Variants in CLINT1 observed in about 807,000 individuals in gnomAD.
The protein encoded by CLINT1 is clathrin interactor 1, also known as clathrin interacting protein localized in the trans-Golgi region.
Under a neutral mutation model 70.4 loss-of-function variants are expected in CLINT1, and 15 were observed. The observed-to-expected ratio is 0.21, with a 90% CI of 0.14 to 0.33. The LOEUF is 0.33. CLINT1 is among the 10% of genes least tolerant of loss of function. CLINT1 has a pLI of 1.00. For missense variants in CLINT1, 615 were observed against 778.1 expected (o/e 0.79, Z 2.49); for synonymous variants, 227 against 254.7 (o/e 0.89, Z 1.04).
intron 1 of CLINT1, among the ~76,000 whole-genome samples, chr5:157,830,759 T>C (rs4704754): frequency 0.011 from 529 of 47,440 alleles, 2 homozygotes; most frequent in African/African-American, 0.041. Flanking sequence ...TCTCTCTCCC[T>C]CTCTCTCTCT....
chr5:157,806,573 C>CTAAT (rs1282727866), intron 6 of CLINT1, among the ~76,000 whole-genome samples: 1 of 152,028 alleles, frequency 6.6e-6, no homozygotes, highest in African/African-American at 2.4e-5. Context: ...CTCTCAAAGA[C>CTAAT]TAATGTGTGT....
intron 6 of CLINT1, among the ~76,000 whole-genome samples, chr5:157,807,994 G>A (rs1762436715): frequency 6.6e-6 from 1 of 152,076 alleles, no homozygotes; most frequent in Non-Finnish European, 1.5e-5. Flanking sequence ...ACTGGAATGT[G>A]ATCTTTGAAG....
intron 1 of CLINT1, among the ~76,000 whole-genome samples, chr5:157,850,166 A>G (rs1353591763): frequency 4.6e-5 from 7 of 152,140 alleles, no homozygotes; most frequent in Non-Finnish European, 4.4e-5. Context: ...GCCACTGGAG[A>G]ATTCTGAACC....
chr5:157,859,068 C>T lies in CLINT1; in HGVS notation c.-98G>A. On this transcript the variant is annotated 5_prime_UTR_variant, in exon 1 of 12. Coordinates refer to ENST00000411809, the MANE Select transcript of CLINT1 (RefSeq NM_014666.4). ...GGCAGTTCCAGGCCGGGGTCACCGC[C>T]GCCCGCCGCCTCGAACTCCCCCAGT... 1 of 1,392,372 alleles carries T rather than the reference C, an allele frequency of 7.2e-7. No homozygotes were observed. Among genetic ancestry groups the T allele is most frequent in the Non-Finnish European group, 9.9e-7 (1 of 1,012,702 alleles). 86.3% of individuals were successfully genotyped at this position (1,392,372 alleles called of 1,614,324 possible). A position where few individuals can be genotyped will look rare whatever the true frequency, so the allele number is the denominator to read the frequency against.
intron 1 of CLINT1, among the ~76,000 whole-genome samples, chr5:157,838,124 T>G (rs1763495997): frequency 8.9e-6 from 1 of 112,134 alleles, no homozygotes; most frequent in Non-Finnish European, 1.8e-5. Flanking sequence ...GTTTTTTTGT[T>G]TTTTTTTTTT....
At chr5:157,833,587 G>A (rs1421916125) in intron 1 of CLINT1, among the ~76,000 whole-genome samples, 1 of 151,974 alleles carries the variant, frequency 6.6e-6, no homozygotes, top group African/African-American at 2.4e-5. Flanking sequence ...AAAACAGTTG[G>A]GAGTCTGTGT....
chr5:157,820,558 C>T (rs1439565583), intron 1 of CLINT1, among the ~76,000 whole-genome samples: 1 of 152,146 alleles, frequency 6.6e-6, no homozygotes, highest in Non-Finnish European at 1.5e-5. Context: ...CAAATGTAAA[C>T]TAAAAACAAC....
chr5:157,793,200 TAC>T (rs1042503511), intron 9 of CLINT1, among the ~76,000 whole-genome samples: 27 of 150,796 alleles, frequency 1.8e-4, no homozygotes, highest in Non-Finnish European at 3.7e-4. Context: ...GTTTTACTAA[TAC>T]ACGTCTTTGA....
chr5:157,833,932 A>G (rs528627273), intron 1 of CLINT1, among the ~76,000 whole-genome samples: 1 of 152,064 alleles, frequency 6.6e-6, no homozygotes, highest in South Asian at 2.1e-4. Flanking sequence ...ACAGAGTGAG[A>G]CCCTGCCTCA....
chr5:157,829,012 G>T (rs1208310959), intron 1 of CLINT1, among the ~76,000 whole-genome samples: 1 of 151,668 alleles, frequency 6.6e-6, no homozygotes, highest in Non-Finnish European at 1.5e-5. Context: ...TGAGGCAAGA[G>T]AATTGGTTGA....
intron 9 of CLINT1, among the ~76,000 whole-genome samples, chr5:157,792,452 G>A (rs1471959640): frequency 1.3e-5 from 2 of 152,158 alleles, no homozygotes; most frequent in Non-Finnish European, 2.9e-5. Flanking sequence ...GGAGGCTCAG[G>A]CACAAGAATC....
At position 157,787,980 on chromosome 5, in the gene CLINT1, G is replaced by A; in HGVS notation, c.1544C>T (p.Pro515Leu). 1 of 1,607,432 alleles carries A rather than the reference G, an allele frequency of 6.2e-7. No homozygotes were observed. Among genetic ancestry groups the A allele is most frequent in the Non-Finnish European group, 8.5e-7 (1 of 1,176,576 alleles). Residue 515 changes from proline (P) to leucine (L), a missense_variant, in exon 12 of 12, where the codon CCT becomes CTT. By Grantham distance (98) the Pro-to-Leu change is moderately conservative (BLOSUM62 -3). Coordinates refer to ENST00000411809, the MANE Select transcript of CLINT1 (RefSeq NM_014666.4). ...AAAACTTTGAGTCATCACATTCATA[G>A]GCTGCTGCATATCTACCAGACGAAA... ...TMIQQQNMQQ[P>L]MNVMTQSFGA...
chr5:157,807,298 CCTTA>C (rs1377769708), intron 6 of CLINT1, among the ~76,000 whole-genome samples: 4 of 151,946 alleles, frequency 2.6e-5, no homozygotes, highest in Non-Finnish European at 5.9e-5. Context: ...ATTCAAAAGC[CCTTA>C]CTAACTTCTC....
chr5:157,810,315 C>T (rs1355382825), intron 5 of CLINT1, among the ~76,000 whole-genome samples: 3 of 152,164 alleles, frequency 2.0e-5, no homozygotes, highest in Non-Finnish European at 4.4e-5. Context: ...CAATAACTGT[C>T]ACGCCTCAGT....
intron 1 of CLINT1, among the ~76,000 whole-genome samples, chr5:157,847,592 A>C (rs1272189517): frequency 6.6e-6 from 1 of 152,162 alleles, no homozygotes; most frequent in East Asian, 1.9e-4. Flanking sequence ...CTCATGGATC[A>C]CTTTGAGGGG....
chr5:157,850,398 T>G (rs1441374647), intron 1 of CLINT1, among the ~76,000 whole-genome samples: 1 of 151,916 alleles, frequency 6.6e-6, no homozygotes, highest in Admixed American at 6.6e-5. Flanking sequence ...GCGGGCGGAT[T>G]GCCTGAGCTC....
chr5:157,831,693 C>CTTT (rs35629225), intron 1 of CLINT1, among the ~76,000 whole-genome samples: 40 of 123,922 alleles, frequency 3.2e-4, no homozygotes, highest in African/African-American at 9.6e-4. Flanking sequence ...TGAAAATATC[C>CTTT]TTTTTTTTTT....
intron 1 of CLINT1, among the ~76,000 whole-genome samples, chr5:157,837,310 AGGCCGCAGTG>A (rs954105538): frequency 1.3e-5 from 2 of 152,070 alleles, no homozygotes; most frequent in African/African-American, 4.8e-5. Context: ...GTTGAGGTCA[AGGCCGCAGTG>A]GGCTAGATTG....
chr5:157,858,874 TC>T, intron 1 of CLINT1, 55 bp downstream of exon 1: 2 of 957,430 alleles, frequency 2.1e-6, no homozygotes, highest in Non-Finnish European at 3.1e-6. Context: ...CAGCTCCTTC[TC>T]CCCCTCCCCC....
Sources: allele counts gnomAD v4.1 joint callset (sites outside exome capture counted in the v4.1 genomes callset), GRCh38; gene constraint gnomAD v4.1.1; transcripts MANE v1.5; gene names NCBI Gene and HGNC (gene_info 2026-07-23, HGNC 2026-07-21).